NUGGC: variants seen among roughly 807,000 people sequenced by gnomAD.
NUGGC encodes the protein nuclear GTPase SLIP-GC.
In NUGGC, 58 loss-of-function variants were observed where a neutral mutation model predicts 92.6. The observed-to-expected ratio is 0.63, with a 90% CI of 0.51 to 0.78. The LOEUF (loss-of-function observed/expected upper bound fraction) is 0.78, where lower values mean the gene tolerates loss of function less well. Among genes scored for constraint, NUGGC ranks in the 30% least tolerant of loss-of-function variants. NUGGC has a pLI of 0.00. For synonymous variants in NUGGC, 376 were observed against 366.4 expected (o/e 1.03, Z -0.30); for missense variants, 925 against 964.6 (o/e 0.96, Z 0.54).
At chr8:28,072,556 G>A (rs1041554865) in intron 2 of NUGGC, among the ~76,000 whole-genome samples, 2 of 152,018 alleles carry the variant, frequency 1.3e-5, no homozygotes, top group Non-Finnish European at 2.9e-5. Flanking sequence ...ACACATCCAG[G>A]GCCCTTATTT....
Position 28,055,970 on chromosome 8 carries a change from G to T in NUGGC, c.1201C>A (p.Leu401Met). The change falls in exon 10 of 19, where the codon CTG (leucine) becomes ATG (methionine). Residue 401 changes from leucine (L) to methionine (M), a missense_variant. Leu to Met is a conservative substitution (Grantham distance 15). Transcript: ENST00000413272. Reference sequence around the variant, plus strand: ...AGAGAAACCTATTAACTCACCTTCAGTTTTTCCTTGAGAATTCTAGTCCTT... The same window carrying T: ...AGAGAAACCTATTAACTCACCTTCATTTTTTCCTTGAGAATTCTAGTCCTT... ...LQRTRILKEK[L>M]KRKLPADFKV... 1 of 1,515,244 alleles carries T rather than the reference G, an allele frequency of 6.6e-7. No homozygotes were observed. Among genetic ancestry groups the T allele is most frequent in the Non-Finnish European group, 9.0e-7 (1 of 1,111,284 alleles). The allele number at this position is 1,515,244 out of a possible 1,614,324, so 93.9% of individuals were successfully genotyped here.
chr8:28,071,377 C>T (rs1249513728), intron 2 of NUGGC, among the ~76,000 whole-genome samples: 1 of 152,138 alleles, frequency 6.6e-6, no homozygotes, highest in African/African-American at 2.4e-5. Flanking sequence ...GAAAAAATCA[C>T]ATCTTCTTGA....
chr8:28,047,465 C>A, intron 11 of NUGGC, 42 bp downstream of exon 11: 1 of 1,268,346 alleles, frequency 7.9e-7, no homozygotes, highest in African/African-American at 1.5e-5. Context: ...CAAGCTTGAT[C>A]TTGAGAATTT....
chr8:28,030,999 C>T (rs1330918528), intron 15 of NUGGC, among the ~76,000 whole-genome samples: 1 of 152,214 alleles, frequency 6.6e-6, no homozygotes, highest in Non-Finnish European at 1.5e-5. Flanking sequence ...AACTTTGCAA[C>T]CTTGTCGTGC....
chr8:28,041,219 G>C lies in NUGGC; in HGVS notation c.1447-4C>G, dbSNP rs1370317091. ...CACTCATGTGCAAGTGTTCATTCTA[G>C]GGACAAGGACCATAAAAGAATCAGG... On this transcript the variant is annotated splice_polypyrimidine_tract_variant and splice_region_variant and intron_variant, in intron 12 of 18. Coordinates refer to ENST00000413272, the MANE Select transcript of NUGGC (RefSeq NM_001010906.2). 2 of 1,608,084 alleles carry C rather than the reference G, an allele frequency of 1.2e-6. No individual in the cohort carries two copies. Among genetic ancestry groups the C allele is most frequent in the East Asian group, 4.5e-5 (2 of 44,678 alleles).
intron 11 of NUGGC, among the ~76,000 whole-genome samples, chr8:28,046,273 G>C (rs1282315380): frequency 6.6e-6 from 1 of 152,004 alleles, no homozygotes; most frequent in Non-Finnish European, 1.5e-5. Context: ...TAATCAAGCA[G>C]TTCCCCCATC....
chr8:28,083,345 G>C (rs1810896387), intron 1 of NUGGC, among the ~76,000 whole-genome samples: 2 of 152,136 alleles, frequency 1.3e-5, no homozygotes, highest in Non-Finnish European at 2.9e-5. Flanking sequence ...AAAAACATCA[G>C]ACAAATGCCA....
Position 28,040,627 on chromosome 8 carries a change from TTTTTTTG to T in NUGGC, c.1611+417_1611+423del, listed in dbSNP as rs1230118500. ...TCTCTCCTAACCTCCTCTGGCTCTT[TTTTTTTG>T]TTTTTTGTTTTTTGTTCTTGTTTTT... On this transcript the variant is annotated intron_variant, in intron 13 of 18. Transcript: ENST00000413272. Among the ~76,000 whole-genome samples the T allele has an allele frequency of 9.2e-5, 14 of 151,958 alleles. No homozygotes were observed. The East Asian group carries it at 2.7e-3, about 29-fold the overall frequency.
intron 1 of NUGGC, among the ~76,000 whole-genome samples, chr8:28,074,745 C>G (rs371335432): frequency 1.3e-5 from 2 of 152,298 alleles, no homozygotes; most frequent in East Asian, 1.9e-4. Flanking sequence ...TCAAGACCAG[C>G]CTGACCAACA....
intron 1 of NUGGC, among the ~76,000 whole-genome samples, chr8:28,079,526 A>T (rs1810797704): frequency 6.6e-6 from 1 of 152,134 alleles, no homozygotes; most frequent in East Asian, 1.9e-4. Context: ...ACAAAGCGAG[A>T]TTTCGTCTTA....
At chr8:28,076,490 T>A (rs988356638) in intron 1 of NUGGC, among the ~76,000 whole-genome samples, 3 of 152,030 alleles carry the variant, frequency 2.0e-5, no homozygotes, top group Non-Finnish European at 4.4e-5. Context: ...AGAGATGGGG[T>A]TTCACCATGT....
intron 10 of NUGGC, among the ~76,000 whole-genome samples, chr8:28,050,201 C>T (rs1218452479): frequency 3.3e-5 from 5 of 151,666 alleles, no homozygotes; most frequent in African/African-American, 1.2e-4. Context: ...GCCTGATCAA[C>T]ATGGAGAAAC....
intron 9 of NUGGC, among the ~76,000 whole-genome samples, chr8:28,056,950 G>A (rs570439924): frequency 1.3e-5 from 2 of 152,276 alleles, no homozygotes; most frequent in East Asian, 1.9e-4. Context: ...CACTTAAAGC[G>A]CCAAACACCA....
chr8:28,023,001 TGG>T lies in NUGGC; in HGVS notation c.*314_*315del. 2 of 181,364 alleles carry T rather than the reference TGG, an allele frequency of 1.1e-5. No individual in the cohort carries two copies. Among genetic ancestry groups the T allele is most frequent in the Non-Finnish European group, 2.2e-5 (2 of 90,060 alleles). 11.2% of individuals were successfully genotyped at this position (181,364 alleles called of 1,614,324 possible). A position where few individuals can be genotyped will look rare whatever the true frequency, so the allele number is the denominator to read the frequency against. ...CAGAGAATTTCTTGAACCCAGGAGG[TGG>T]AGGTTGCAGTGAGCCGAGATTGCAC... On this transcript the variant is annotated 3_prime_UTR_variant, in exon 19 of 19. Transcript: ENST00000413272.
intron 1 of NUGGC, among the ~76,000 whole-genome samples, chr8:28,082,370 G>A (rs1467420330): frequency 1.3e-5 from 2 of 152,170 alleles, no homozygotes; most frequent in Non-Finnish European, 2.9e-5. Flanking sequence ...AGATTCTAGC[G>A]AAACGAATTT....
At chr8:28,039,210 C>T (rs184475745) in intron 13 of NUGGC, among the ~76,000 whole-genome samples, 22 of 151,138 alleles carry the variant, frequency 1.5e-4, no homozygotes, top group Admixed American at 7.3e-4. Context: ...ATCCAAATTG[C>T]AGCACATGCA....
At chr8:28,080,491 G>T (rs1427726461) in intron 1 of NUGGC, among the ~76,000 whole-genome samples, 1 of 152,016 alleles carries the variant, frequency 6.6e-6, no homozygotes, top group East Asian at 1.9e-4. Flanking sequence ...AAATTTAAAT[G>T]CTTAAATTAG....
intron 15 of NUGGC, 70 bp downstream of exon 15, chr8:28,031,173 C>T: frequency 6.4e-7 from 1 of 1,557,290 alleles, no homozygotes; most frequent in Non-Finnish European, 8.8e-7. Flanking sequence ...AGACAGGCAA[C>T]CTACAAAACT....
At chr8:28,070,723 G>T (rs1387337360) in intron 2 of NUGGC, among the ~76,000 whole-genome samples, 1 of 151,180 alleles carries the variant, frequency 6.6e-6, no homozygotes, top group East Asian at 2.0e-4. Flanking sequence ...AGCCTCTAGA[G>T]TACCTGGGAC....
Sources: allele counts gnomAD v4.1 joint callset (sites outside exome capture counted in the v4.1 genomes callset), GRCh38; gene constraint gnomAD v4.1.1; transcripts MANE v1.5; gene names NCBI Gene and HGNC (gene_info 2026-07-23, HGNC 2026-07-21).